The following RTTN variants were observed in gnomAD, a reference collection of about 807,000 sequenced individuals.
The protein encoded by RTTN is rotatin.
In RTTN, 182 loss-of-function variants were observed where a neutral mutation model predicts 269.2. That is an observed-to-expected ratio of 0.68 (90% CI 0.60 to 0.76). The LOEUF (loss-of-function observed/expected upper bound fraction) is 0.76. Ranked by LOEUF, RTTN falls within the 30% of genes least tolerant of loss-of-function variation. The pLI is 0.00. For synonymous variants in RTTN, 1,006 were observed against 963.5 expected (o/e 1.04, Z -0.82); for missense variants, 2,545 against 2,608.6 (o/e 0.98, Z 0.53).
intron 26 of RTTN, among the ~76,000 whole-genome samples, chr18:70,120,915 G>A (rs1045018626): frequency 6.6e-6 from 1 of 152,112 alleles, no homozygotes; most frequent in African/African-American, 2.4e-5. Flanking sequence ...GCTGGGCGTG[G>A]TGGCAGGCAC....
In RTTN at chr18:70,048,078, C is replaced by T. The variant is rs2057543141; in HGVS notation, c.5434G>A (p.Ala1812Thr). The T allele has an allele frequency of 6.2e-7, 1 of 1,614,112 alleles. No homozygotes were observed. Among genetic ancestry groups the T allele is most frequent in the Non-Finnish European group, 8.5e-7 (1 of 1,179,990 alleles). ...CAGCATAAATGTGTTTTGCTCTTAG[C>T]CTGGAGATGCCCTTTTGCTTCTTCG... is the stretch of plus-strand genomic sequence containing the variant. ...LTEEAKGHLQ[A>T]KSKTHLCCSP... Residue 1812 changes from alanine (A) to threonine (T), a missense_variant, in exon 40 of 49, where the codon GCT becomes ACT. Coordinates refer to ENST00000640769, the MANE Select transcript of RTTN (RefSeq NM_173630.4).
chr18:70,193,176 CAAAAAAAAAAAA>C (rs35759421), intron 8 of RTTN, 100 bp downstream of exon 8: 6 of 660,884 alleles, frequency 9.1e-6, no homozygotes, highest in Non-Finnish European at 1.1e-5. Flanking sequence ...GTTAATGTTT[CAAAAAAAAAAAA>C]AAAAAAAAGG....
intron 47 of RTTN, chr18:70,005,567 G>C: frequency 4.1e-6 from 1 of 243,824 alleles, no homozygotes; most frequent in Non-Finnish European, 7.8e-6. Flanking sequence ...AGTCATCCTT[G>C]GTTTCAGTTT....
intron 34 of RTTN, among the ~76,000 whole-genome samples, chr18:70,068,775 A>G (rs183468365): frequency 3.9e-5 from 6 of 152,328 alleles, no homozygotes; most frequent in Admixed American, 3.9e-4. Context: ...TCTAAGTGCA[A>G]AATCACAATC....
intron 32 of RTTN, among the ~76,000 whole-genome samples, chr18:70,085,761 G>A (rs1259748943): frequency 6.6e-6 from 1 of 152,030 alleles, no homozygotes; most frequent in Non-Finnish European, 1.5e-5. Context: ...CGTATAAGTG[G>A]GAGCTAACCA....
rs1246778376 is a variant in RTTN, at chr18:70,031,318, C to A, written c.5542-337G>T. Reference sequence around the variant, plus strand: ...TGTGTGTACCTTATTAAAATGGGTCCTTGTAAAACTGCTGAACAGGAGAAC... The same window carrying A: ...TGTGTGTACCTTATTAAAATGGGTCATTGTAAAACTGCTGAACAGGAGAAC... On this transcript the variant is annotated intron_variant, in intron 40 of 48. Coordinates refer to ENST00000640769, the MANE Select transcript of RTTN (RefSeq NM_173630.4). 3 of 401,762 alleles carry A rather than the reference C, an allele frequency of 7.5e-6. No individual in the cohort carries two copies. The Admixed American group carries it at 1.3e-4, about 17-fold the overall frequency. 24.9% of individuals were successfully genotyped at this position (401,762 alleles called of 1,614,324 possible). A position where few individuals can be genotyped will look rare whatever the true frequency, so the allele number is the denominator to read the frequency against.
At position 70,127,604 on chromosome 18, in the gene RTTN, C is replaced by A; in HGVS notation, c.3281G>T (p.Arg1094Met). 6.2e-7 allele frequency: 1 copy of A among 1,613,524 alleles called. No individual in the cohort carries two copies. The highest frequency in any genetic ancestry group is 1.7e-5 in the Admixed American group (1 of 59,870). ...THREVRAAVT[R>M]MSFYLLNDRL... ...GTCATTCAGAAGATAAAAACTCATC[C>A]TGGTGACAGCAGCCCTAACTTCCCT... The change falls in exon 25 of 49, where the codon AGG becomes ATG. Residue 1094 changes from arginine (R) to methionine (M), a missense_variant. Coordinates refer to ENST00000640769, the MANE Select transcript of RTTN (RefSeq NM_173630.4).
rs997754199 is a variant in RTTN, at chr18:70,116,926, C to T, written c.3529-2327G>A. ...TTTGTGAACTTCCATCAAAAAAATGCATTCCAAAAAGAAAGGTATTCAAAT... is the reference window on the plus strand; with the variant it reads ...TTTGTGAACTTCCATCAAAAAAATGTATTCCAAAAAGAAAGGTATTCAAAT... On this transcript the variant is annotated intron_variant, in intron 26 of 48. Coordinates refer to ENST00000640769, the MANE Select transcript of RTTN (RefSeq NM_173630.4). Among the ~76,000 whole-genome samples, 6 of 150,478 alleles carry T rather than the reference C, an allele frequency of 4.0e-5. No individual in the cohort carries two copies. The East Asian group carries it at 7.8e-4, about 20-fold the overall frequency.
Position 70,204,381 on chromosome 18 carries a change from C to T in RTTN, c.220-118G>A, listed in dbSNP as rs1444663928. On this transcript the variant is annotated intron_variant, in intron 2 of 48. Transcript: ENST00000640769. Reference sequence around the variant, plus strand: ...GATGTTCCTTTTCTGAAAAACAAATCCTTCATGGCTCTGCCCCGAAGTAAG... The same window carrying T: ...GATGTTCCTTTTCTGAAAAACAAATTCTTCATGGCTCTGCCCCGAAGTAAG... 5.2e-6 allele frequency: 5 copies of T among 954,856 alleles called. No homozygotes were observed. In the African/African-American group the frequency reaches 8.3e-5, roughly 16 times the overall value. 59.1% of individuals were successfully genotyped at this position (954,856 alleles called of 1,614,324 possible).
In RTTN at chr18:70,135,209, C is replaced by G; in HGVS notation, c.2860G>C (p.Asp954His). The G allele has an allele frequency of 6.5e-7, 1 of 1,540,202 alleles. No homozygotes were observed. Among genetic ancestry groups the G allele is most frequent in the East Asian group, 2.5e-5 (1 of 40,742 alleles). ...CACATATCCATTCTCGATACTTCAT[C>G]AAATAATAGAAGACAAAATAGTGCT... is the stretch of plus-strand genomic sequence containing the variant. ...VGALFCLLLF[D>H]EVSRMDMWSV... is the part of the protein sequence containing the mutation. Residue 954 changes from aspartate (D) to histidine (H), a missense_variant, in exon 22 of 49, where the codon GAT becomes CAT. By Grantham distance (81) the Asp-to-His change is moderately conservative. Transcript: ENST00000640769.
chr18:70,035,196 T>C (rs2057133975), intron 40 of RTTN, among the ~76,000 whole-genome samples: 1 of 152,096 alleles, frequency 6.6e-6, no homozygotes, highest in South Asian at 2.1e-4. Flanking sequence ...ACATTCTTCA[T>C]AGAACTAGAA....
intron 25 of RTTN, among the ~76,000 whole-genome samples, chr18:70,123,185 C>T (rs534408665): frequency 6.6e-6 from 1 of 152,206 alleles, no homozygotes; most frequent in South Asian, 2.1e-4. Context: ...ATGCACCAAA[C>T]TATATTCCAT....
intron 43 of RTTN, 103 bp downstream of exon 43, chr18:70,028,621 A>G: frequency 1.6e-6 from 1 of 634,088 alleles, no homozygotes; most frequent in Non-Finnish European, 2.6e-6. Flanking sequence ...TAAAAATTTA[A>G]AAGTCAGAGC....
intron 47 of RTTN, 27 bp from the exon 48 acceptor site, chr18:70,005,294 T>C: frequency 6.4e-7 from 1 of 1,560,638 alleles, no homozygotes; most frequent in Non-Finnish European, 8.8e-7. Flanking sequence ...ATTAGGTTTC[T>C]TGCCATGTGT....
intron 28 of RTTN, among the ~76,000 whole-genome samples, chr18:70,105,572 C>T (rs1041131974): frequency 5.9e-5 from 9 of 152,178 alleles, no homozygotes; most frequent in African/African-American, 9.7e-5. Context: ...TCTTCTGCGT[C>T]GCTCATGCTG....
chr18:70,011,538 C>A (rs1030191106), intron 46 of RTTN, among the ~76,000 whole-genome samples: 2 of 152,156 alleles, frequency 1.3e-5, no homozygotes, highest in Non-Finnish European at 2.9e-5. Context: ...AAATTCAACA[C>A]CCTTTCATGC....
At chr18:70,036,669 C>A (rs1056172628) in intron 40 of RTTN, among the ~76,000 whole-genome samples, 1 of 152,118 alleles carries the variant, frequency 6.6e-6, no homozygotes, top group African/African-American at 2.4e-5. Flanking sequence ...ATATAACAAA[C>A]CTACACATGT....
chr18:70,054,394 AT>A, intron 37 of RTTN, 110 bp from the exon 38 acceptor site: 1 of 1,040,108 alleles, frequency 9.6e-7, no homozygotes, highest in Non-Finnish European at 1.4e-6. Flanking sequence ...ATTAACCATA[AT>A]TTTTCAAGAT....
rs8083708 is a variant in RTTN, at chr18:70,188,112, T to G, written c.1301A>C (p.Asp434Ala). ...AAAGAAAACATTGATTCTTACCATA[T>G]CTATACCAAAAAGGCTGCTGTCATC... is the stretch of plus-strand genomic sequence containing the variant. ...IWDDSSLFGI[D>A]MKEKLLLVLG... The change falls in exon 10 of 49, where the codon GAT (aspartate) becomes GCT (alanine). Residue 434 changes from aspartate to alanine, a missense_variant. Transcript: ENST00000640769. 104 of 1,559,282 alleles carry G rather than the reference T, an allele frequency of 6.7e-5. No homozygotes were observed. In the African/African-American group the frequency reaches 1.2e-3, roughly 18 times the overall value.
Sources: gnomAD v4.1 joint callset for allele counts (sites outside exome capture counted in the v4.1 genomes callset) on GRCh38, gnomAD v4.1.1 for gene constraint, MANE v1.5 for transcripts, NCBI Gene and HGNC (gene_info 2026-07-23, HGNC 2026-07-21) for gene names.